Variants in CACNG2 observed in about 807,000 individuals in gnomAD.
CACNG2 encodes the protein calcium voltage-gated channel auxiliary subunit gamma 2.
Under a neutral mutation model 25.9 loss-of-function variants are expected in CACNG2, and 3 were observed. The ratio of observed to expected loss-of-function variants is 0.12; its 90% CI spans 0.05 to 0.30. The LOEUF (loss-of-function observed/expected upper bound fraction) is 0.30. CACNG2 is among the 10% of genes least tolerant of loss of function. The pLI, the probability that CACNG2 is intolerant of heterozygous loss-of-function variation, is 1.00. For synonymous variants in CACNG2, 167 were observed against 173.3 expected, an observed-to-expected ratio of 0.96 and a Z score of 0.29; for missense variants, 341 against 432.5, an observed-to-expected ratio of 0.79 and a Z score of 1.88.
intron 2 of CACNG2, among the ~76,000 whole-genome samples, chr22:36,570,173 A>C (rs1935200808): frequency 6.6e-6 from 1 of 152,166 alleles, no homozygotes; most frequent in Non-Finnish European, 1.5e-5. Context: ...TCCTGCCAGC[A>C]GGGGGAGGGA....
At chr22:36,635,293 A>G (rs931726730) in intron 1 of CACNG2, among the ~76,000 whole-genome samples, 2 of 152,068 alleles carry the variant, frequency 1.3e-5, no homozygotes, top group African/African-American at 4.8e-5. Flanking sequence ...CAAAAAAAAA[A>G]AAAAAAGAAA....
At chr22:36,669,488 C>G (rs1407279474) in intron 1 of CACNG2, among the ~76,000 whole-genome samples, 1 of 101,890 alleles carries the variant, frequency 9.8e-6, no homozygotes, top group Non-Finnish European at 1.8e-5. Context: ...GCTTAGGAGA[C>G]AAGAGTGAAA....
chr22:36,687,763 G>A (rs1022388656), intron 1 of CACNG2, among the ~76,000 whole-genome samples: 3 of 152,188 alleles, frequency 2.0e-5, no homozygotes, highest in Non-Finnish European at 4.4e-5. Flanking sequence ...TAGGTGTGAG[G>A]GGGGAAGCAG....
chr22:36,601,102 A>G (rs1178038945), intron 1 of CACNG2, among the ~76,000 whole-genome samples: 1 of 152,164 alleles, frequency 6.6e-6, no homozygotes, highest in African/African-American at 2.4e-5. Flanking sequence ...TTCACCCTGT[A>G]TATTTGCTAC....
chr22:36,663,334 G>A (rs530700137), intron 1 of CACNG2, among the ~76,000 whole-genome samples: 12 of 152,190 alleles, frequency 7.9e-5, no homozygotes, highest in Admixed American at 2.6e-4. Flanking sequence ...TTTGGTTTTC[G>A]CCAAGGGGTA....
chr22:36,594,369 A>G (rs1179253418), intron 1 of CACNG2, among the ~76,000 whole-genome samples: 1 of 152,242 alleles, frequency 6.6e-6, no homozygotes, highest in African/African-American at 2.4e-5. Flanking sequence ...ACAATTGTTC[A>G]GCTATCATTT....
chr22:36,626,150 C>T (rs1260915778), intron 1 of CACNG2, among the ~76,000 whole-genome samples: 1 of 152,178 alleles, frequency 6.6e-6, no homozygotes, highest in African/African-American at 2.4e-5. Flanking sequence ...GAACTCCTGA[C>T]CTGAGATGAT....
intron 1 of CACNG2, among the ~76,000 whole-genome samples, chr22:36,670,663 C>T (rs8136237): frequency 0.11 from 15,804 of 149,390 alleles, 1,681 homozygotes; most frequent in African/African-American, 0.28. Context: ...AGACTGGATC[C>T]CTCTGTTGCC....
At chr22:36,589,841 GAA>G (rs1321402557) in intron 1 of CACNG2, among the ~76,000 whole-genome samples, 1 of 152,082 alleles carries the variant, frequency 6.6e-6, no homozygotes, top group East Asian at 1.9e-4. Context: ...TTCTCTGTGG[GAA>G]AAGTCTTCAT....
intron 1 of CACNG2, among the ~76,000 whole-genome samples, chr22:36,692,184 T>A (rs1056649604): frequency 6.6e-6 from 1 of 151,774 alleles, no homozygotes; most frequent in African/African-American, 2.4e-5. Context: ...ATGGAGGGGG[T>A]GGCAAGACAA....
At chr22:36,610,363 G>A (rs2072710978) in intron 1 of CACNG2, among the ~76,000 whole-genome samples, 1 of 149,886 alleles carries the variant, frequency 6.7e-6, no homozygotes, top group Non-Finnish European at 1.5e-5. Context: ...GCCCCGTAGA[G>A]CGTGATTGGG....
intron 1 of CACNG2, among the ~76,000 whole-genome samples, chr22:36,687,320 GTTAC>G (rs1025128958): frequency 6.6e-6 from 1 of 152,194 alleles, no homozygotes; most frequent in African/African-American, 2.4e-5. Context: ...TAATTTTTCT[GTTAC>G]TTATCATCAA....
At chr22:36,646,494 A>C (rs988642769) in intron 1 of CACNG2, among the ~76,000 whole-genome samples, 1 of 152,214 alleles carries the variant, frequency 6.6e-6, no homozygotes, top group Admixed American at 6.5e-5. Flanking sequence ...ATTGATTTGC[A>C]ATCAGTTACA....
At chr22:36,623,531 A>G (rs763593354) in intron 1 of CACNG2, among the ~76,000 whole-genome samples, 3 of 151,958 alleles carry the variant, frequency 2.0e-5, no homozygotes, top group South Asian at 4.2e-4. Context: ...AGGAATATCT[A>G]CTCGATTGCG....
In CACNG2 at chr22:36,621,997, G is replaced by T. The variant is rs149637216; in HGVS notation, c.212-34449C>A. Among the ~76,000 whole-genome samples the T allele has an allele frequency of 5.3e-5, 8 of 152,334 alleles. No individual in the cohort carries two copies. The East Asian group carries it at 1.5e-3, about 29-fold the overall frequency. Reference sequence around the variant, plus strand: ...GACATTTACTGAGTGCTCCCTATGTGCCGCTCACTCTGCTCAAGGCTTTCT... The same window carrying T: ...GACATTTACTGAGTGCTCCCTATGTTCCGCTCACTCTGCTCAAGGCTTTCT... On this transcript the variant is annotated intron_variant, in intron 1 of 3. Transcript: ENST00000300105.
chr22:36,683,582 C>T (rs1937155775), intron 1 of CACNG2, among the ~76,000 whole-genome samples: 5 of 152,142 alleles, frequency 3.3e-5, no homozygotes. Context: ...CCTTTCCTCC[C>T]CCACTCAGGT....
intron 1 of CACNG2, among the ~76,000 whole-genome samples, chr22:36,594,683 G>T (rs1407445712): frequency 1.3e-5 from 2 of 151,754 alleles, no homozygotes; most frequent in African/African-American, 4.8e-5. Flanking sequence ...GTATGCCCGC[G>T]TGTGTGTCTG....
At chr22:36,604,989 G>T (rs1047931537) in intron 1 of CACNG2, among the ~76,000 whole-genome samples, 7 of 152,048 alleles carry the variant, frequency 4.6e-5, no homozygotes, top group African/African-American at 1.7e-4. Context: ...TGTCCAGACT[G>T]GTCTCAAACT....
At chr22:36,656,150 T>C (rs902063012) in intron 1 of CACNG2, among the ~76,000 whole-genome samples, 1 of 152,166 alleles carries the variant, frequency 6.6e-6, no homozygotes, top group Non-Finnish European at 1.5e-5. Context: ...AACCAAGGGC[T>C]ACTGAAGACA....
Sources: gnomAD v4.1 joint callset for allele counts (sites outside exome capture counted in the v4.1 genomes callset) on GRCh38, gnomAD v4.1.1 for gene constraint, MANE v1.5 for transcripts, NCBI Gene and HGNC (gene_info 2026-07-23, HGNC 2026-07-21) for gene names.